The following SORT1 variants were observed in gnomAD, a reference collection of about 807,000 sequenced individuals.
SORT1 encodes the protein sortilin.
A neutral mutation model predicts 101.7 loss-of-function variants in SORT1; 39 were observed. The observed-to-expected ratio is 0.38, with a 90% CI of 0.30 to 0.50. SORT1 has a LOEUF of 0.50. Among genes scored for constraint, SORT1 ranks in the 20% least tolerant of loss-of-function variants. SORT1 has a pLI of 0.90. For missense variants in SORT1, 878 were observed against 1,040.4 expected, an observed-to-expected ratio of 0.84 and a Z score of 2.15; for synonymous variants, 396 against 393.7, an observed-to-expected ratio of 1.01 and a Z score of -0.07.
intron 11 of SORT1, among the ~76,000 whole-genome samples, chr1:109,334,077 CGGAGGTTGAAGTGA>C (rs1434388709): frequency 1.3e-5 from 2 of 151,812 alleles, no homozygotes; most frequent in African/African-American, 4.8e-5. Flanking sequence ...ACCCGGGAGG[CGGAGGTTGAAGTGA>C]GCCAAGATCG....
At chr1:109,390,475 TAA>T (rs1287767333) in intron 1 of SORT1, among the ~76,000 whole-genome samples, 1 of 152,134 alleles carries the variant, frequency 6.6e-6, no homozygotes, top group African/African-American at 2.4e-5. Context: ...CCACTGAAGT[TAA>T]GTGATTTTCC....
chr1:109,334,729 T>C (rs1362565612), intron 11 of SORT1, among the ~76,000 whole-genome samples: 2 of 152,104 alleles, frequency 1.3e-5, no homozygotes, highest in Admixed American at 6.5e-5. Context: ...GTTAGCTTGA[T>C]TGTGATAATC....
chr1:109,354,580 A>T, intron 4 of SORT1, 49 bp from the exon 5 acceptor site: 2 of 1,415,440 alleles, frequency 1.4e-6, no homozygotes, highest in Non-Finnish European at 2.0e-6. Context: ...CTATCTATGC[A>T]AGCACAGGAG....
At position 109,322,970 on chromosome 1, in the gene SORT1, C is replaced by T; in HGVS notation, c.1986G>A (p.Gln662=). ...QNGRDYVVTK[Q]PSICLCSLED... Reference sequence around the variant, plus strand: ...CCAGGGAACAGAGGCAGATGGAGGGCTGCTTGGTCACAACATAGTCTCGAC... The same window carrying T: ...CCAGGGAACAGAGGCAGATGGAGGGTTGCTTGGTCACAACATAGTCTCGAC... The change falls in exon 15 of 20, where the codon CAG becomes CAA. Residue 662 remains glutamine (Q), a synonymous_variant. Coordinates refer to ENST00000256637, the MANE Select transcript of SORT1 (RefSeq NM_002959.7). The T allele has an allele frequency of 6.2e-7, 1 of 1,614,054 alleles. No individual in the cohort carries two copies. The highest frequency in any genetic ancestry group is 8.5e-7 in the Non-Finnish European group (1 of 1,179,992).
intron 17 of SORT1, among the ~76,000 whole-genome samples, chr1:109,315,779 A>C (rs1658996087): frequency 7.2e-6 from 1 of 139,238 alleles, no homozygotes; most frequent in Admixed American, 7.4e-5. Context: ...TTAAATTGAG[A>C]CAGGATCTCA....
intron 1 of SORT1, among the ~76,000 whole-genome samples, chr1:109,372,681 G>C (rs2101631863): frequency 6.6e-6 from 1 of 152,120 alleles, no homozygotes; most frequent in Non-Finnish European, 1.5e-5. Context: ...TACTTTGGGA[G>C]GCCGAGACAG....
At chr1:109,392,815 T>C (rs1570997669) in intron 1 of SORT1, 1 of 985,104 alleles carries the variant, frequency 1.0e-6, no homozygotes, top group Non-Finnish European at 1.2e-6. Flanking sequence ...AGACTCTTCA[T>C]GAAGGTTTCG....
At position 109,327,508 on chromosome 1, in the gene SORT1, TG is replaced by T; in HGVS notation, c.1464del (p.Ile489LeufsTer12). On this transcript the variant is annotated frameshift_variant, in exon 12 of 20. Coordinates refer to ENST00000256637, the MANE Select transcript of SORT1 (RefSeq NM_002959.7). LOFTEE classifies it high-confidence loss of function. ...PLSEPNAVGI[V>X]IAHGSVGDAI... is the part of the protein sequence containing the mutation. ...GTGGGAGGTTCCTTACCATGAGCAA[TG>T]ACAATGCCTACGGCATTCGGCTCTG... 6.2e-7 allele frequency: 1 copy of T among 1,601,744 alleles called. No individual in the cohort carries two copies. The highest frequency in any genetic ancestry group is 8.5e-7 in the Non-Finnish European group (1 of 1,172,822).
In SORT1 at chr1:109,312,019, C is replaced by T. The variant is rs1319091121; in HGVS notation, c.*2024G>A. 6.6e-6 allele frequency: 1 copy of T among 152,260 alleles called. No individual in the cohort carries two copies. The highest frequency in any genetic ancestry group is 1.5e-5 in the Non-Finnish European group (1 of 68,044). 9.4% of individuals were successfully genotyped at this position (152,260 alleles called of 1,614,324 possible). A position where few individuals can be genotyped will look rare whatever the true frequency, so the allele number is the denominator to read the frequency against. On this transcript the variant is annotated 3_prime_UTR_variant, in exon 20 of 20. Coordinates refer to ENST00000256637, the MANE Select transcript of SORT1 (RefSeq NM_002959.7). Reference sequence around the variant, plus strand: ...CAGAAATCCCAGATATCATTAAAAGCGAAGAGCCCTATCGTATATGGTTAG... The same window carrying T: ...CAGAAATCCCAGATATCATTAAAAGTGAAGAGCCCTATCGTATATGGTTAG...
intron 5 of SORT1, among the ~76,000 whole-genome samples, chr1:109,351,962 A>AGGG (rs201878566): frequency 2.9e-5 from 3 of 105,216 alleles, no homozygotes; most frequent in African/African-American, 3.9e-5. Flanking sequence ...GATGAGAGGT[A>AGGG]GGGGTGTGTG....
chr1:109,391,993 T>C (rs1355174450), intron 1 of SORT1, among the ~76,000 whole-genome samples: 1 of 152,240 alleles, frequency 6.6e-6, no homozygotes, highest in Non-Finnish European at 1.5e-5. Flanking sequence ...GTCAGAGCCA[T>C]TGCCACAGTT....
intron 1 of SORT1, among the ~76,000 whole-genome samples, chr1:109,374,347 C>T (rs1446298345): frequency 2.6e-5 from 4 of 151,654 alleles, no homozygotes; most frequent in South Asian, 2.1e-4. Context: ...CCAAGGTGGG[C>T]GGATCACTTG....
chr1:109,314,604 A>G, intron 18 of SORT1, 68 bp downstream of exon 18: 1 of 1,211,148 alleles, frequency 8.3e-7, no homozygotes. Context: ...GAGTAGACTC[A>G]GCCATATGCC....
intron 10 of SORT1, 135 bp from the exon 11 acceptor site, chr1:109,336,481 G>A (rs551538991): frequency 2.3e-5 from 15 of 642,906 alleles, no homozygotes; most frequent in African/African-American, 1.8e-4. Context: ...CTCACAAAAC[G>A]GCTCATTGTT....
intron 1 of SORT1, among the ~76,000 whole-genome samples, chr1:109,394,935 T>C (rs182465255): frequency 1.3e-5 from 2 of 152,278 alleles, no homozygotes; most frequent in Admixed American, 6.5e-5. Flanking sequence ...AGTTGTTCTG[T>C]CATGCTGATG....
Position 109,313,430 on chromosome 1 carries a change from G to A in SORT1, c.*613C>T, listed in dbSNP as rs1658840775. On this transcript the variant is annotated 3_prime_UTR_variant, in exon 20 of 20. Coordinates refer to ENST00000256637, the MANE Select transcript of SORT1 (RefSeq NM_002959.7). ...CAAGGGTATTGCCTAATTAAACAAG[G>A]GAAAAGAAAAATCACTGTGGTCTGT... 2 of 152,484 alleles carry A rather than the reference G, an allele frequency of 1.3e-5. No individual in the cohort carries two copies. Among genetic ancestry groups the A allele is most frequent in the Non-Finnish European group, 1.5e-5 (1 of 68,152 alleles). The allele number at this position is 152,484 out of a possible 1,614,324, so 9.4% of individuals were successfully genotyped here.
At chr1:109,348,141 G>A (rs1296496599) in intron 6 of SORT1, among the ~76,000 whole-genome samples, 1 of 152,182 alleles carries the variant, frequency 6.6e-6, no homozygotes, top group African/African-American at 2.4e-5. Flanking sequence ...CTTTGTATGA[G>A]TTAAATAATT....
At chr1:109,331,604 T>C (rs545311021) in intron 11 of SORT1, among the ~76,000 whole-genome samples, 134 of 152,286 alleles carry the variant, frequency 8.8e-4, no homozygotes, top group African/African-American at 3.1e-3. Context: ...AACCTTTTCC[T>C]CTAAGATCAG....
intron 9 of SORT1, among the ~76,000 whole-genome samples, chr1:109,341,283 T>C (rs1381577868): frequency 6.6e-6 from 1 of 152,174 alleles, no homozygotes; most frequent in Non-Finnish European, 1.5e-5. Flanking sequence ...CACAAACTGA[T>C]GCTATTGTAA....
Sources: gnomAD v4.1 joint callset for allele counts (sites outside exome capture counted in the v4.1 genomes callset) on GRCh38, gnomAD v4.1.1 for gene constraint, MANE v1.5 for transcripts, NCBI Gene and HGNC (gene_info 2026-07-23, HGNC 2026-07-21) for gene names.